ZNF621: variants seen among roughly 807,000 people sequenced by gnomAD.
ZNF621 encodes the protein zinc finger protein 621.
In ZNF621, 6 loss-of-function variants were observed where a neutral mutation model predicts 12.7. The ratio of observed to expected loss-of-function variants is 0.47; its 90% CI spans 0.26 to 0.93. The LOEUF is 0.93. Among genes scored for constraint, ZNF621 ranks in the 40% least tolerant of loss-of-function variants. ZNF621 has a pLI of 0.15. For missense variants in ZNF621, 474 were observed against 524.0 expected, an observed-to-expected ratio of 0.90 and a Z score of 0.93; for synonymous variants, 156 against 190.3, an observed-to-expected ratio of 0.82 and a Z score of 1.48.
rs1447695053 is a variant in ZNF621 at position 40,539,748 on chromosome 3, G to A, written c.*6658G>A. 1 of 152,118 alleles carries A rather than the reference G, an allele frequency of 6.6e-6. No homozygotes were observed. The highest frequency in any genetic ancestry group is 1.5e-5 in the Non-Finnish European group (1 of 68,020). 9.4% of individuals were successfully genotyped at this position (152,118 alleles called of 1,614,324 possible). On this transcript the variant is annotated 3_prime_UTR_variant, in exon 5 of 5. Coordinates refer to ENST00000339296, the MANE Select transcript of ZNF621 (RefSeq NM_198484.5). ...AATCATATCATTTAAAAAGCCTGAT[G>A]ATTTAATATTTTTCATAAAGAAAAC...
rs193091903 is a variant in ZNF621, at chr3:40,535,194, C to T, written c.*2104C>T. On this transcript the variant is annotated 3_prime_UTR_variant, in exon 5 of 5. Transcript: ENST00000339296. ...CTTGAGTTCGGAAGGGCTGTGGCCA[C>T]CTCGTTTCGCCCATCTACTTTTCAC... 25 of 152,366 alleles carry T rather than the reference C, an allele frequency of 1.6e-4. No individual in the cohort carries two copies. Among genetic ancestry groups the T allele is most frequent in the Admixed American group, 1.4e-3 (22 of 15,298 alleles). The allele number at this position is 152,366 out of a possible 1,614,324, so 9.4% of individuals were successfully genotyped here.
At chr3:40,523,540 C>CGA (rs1698504793), upstream of ZNF621, among the ~76,000 whole-genome samples, 1 of 151,922 alleles carries the variant, frequency 6.6e-6, no homozygotes, top group Non-Finnish European at 1.5e-5. Context: ...CCGAGGTGCA[C>CGA]GGATCACAAG....
rs747015346 is a variant in ZNF621 at position 40,533,016 on chromosome 3, C to A, written c.1246C>A (p.Arg416Ser). The change falls in exon 5 of 5, where the codon CGT (arginine) becomes AGT (serine). Residue 416 changes from arginine (R) to serine (S), a missense_variant. By Grantham distance (110) the Arg-to-Ser change is moderately radical. Transcript: ENST00000339296. ...ACCTTCTTCATCTGCCCAAATAGTG[C>A]GTGTCTTCCAGGGTCTTACTCCCAC... ...GIPSSSAQIV[R>S]VFQGLTPTVK... The A allele has an allele frequency of 6.4e-7, 1 of 1,551,762 alleles. No homozygotes were observed. The highest frequency in any genetic ancestry group is 2.0e-5 in the Admixed American group (1 of 51,004).
At position 40,533,001 on chromosome 3, in the gene ZNF621, T is replaced by G; in HGVS notation, c.1231T>G (p.Ser411Ala). 6.4e-7 allele frequency: 1 copy of G among 1,551,800 alleles called. No individual in the cohort carries two copies. The highest frequency in any genetic ancestry group is 8.7e-7 in the Non-Finnish European group (1 of 1,147,018). The stretch of plus-strand genomic sequence containing the variant: ...GCCTACATCTGGAATACCTTCTTCA[T>G]CTGCCCAAATAGTGCGTGTCTTCCA... ...LLPTSGIPSS[S>A]AQIVRVFQGL... is the part of the protein sequence containing the mutation. The change falls in exon 5 of 5, where the codon TCT becomes GCT. Residue 411 changes from serine to alanine, a missense_variant. Coordinates refer to ENST00000339296, the MANE Select transcript of ZNF621 (RefSeq NM_198484.5).
intron 3 of ZNF621, among the ~76,000 whole-genome samples, 155 bp from the exon 4 acceptor site, chr3:40,530,054 G>A (rs1051395490): frequency 3.9e-5 from 6 of 151,994 alleles, no homozygotes; most frequent in African/African-American, 1.5e-4. Flanking sequence ...GCTTTATCGT[G>A]GAGCACAGTT....
In ZNF621 at chr3:40,538,206, A is replaced by G; in HGVS notation, c.*5116A>G. The G allele has an allele frequency of 2.4e-6, 1 of 411,676 alleles. No individual in the cohort carries two copies. Among genetic ancestry groups the G allele is most frequent in the Non-Finnish European group, 4.8e-6 (1 of 208,838 alleles). 25.5% of individuals were successfully genotyped at this position (411,676 alleles called of 1,614,324 possible). A position where few individuals can be genotyped will look rare whatever the true frequency, so the allele number is the denominator to read the frequency against. ...TATTTTAAGCCCACTGTTGAGACCTACTAAATATTAGGAAAAAAGAATTCT... is the reference window on the plus strand; with the variant it reads ...TATTTTAAGCCCACTGTTGAGACCTGCTAAATATTAGGAAAAAAGAATTCT... On this transcript the variant is annotated 3_prime_UTR_variant, in exon 5 of 5. Coordinates refer to ENST00000339296, the MANE Select transcript of ZNF621 (RefSeq NM_198484.5).
In ZNF621 at chr3:40,532,055, AG is replaced by A. The variant is rs746600649; in HGVS notation, c.288del (p.Leu97Ter). The A allele has an allele frequency of 5.0e-6, 8 of 1,612,278 alleles. No individual in the cohort carries two copies. In the South Asian group the frequency reaches 7.7e-5, roughly 15 times the overall value. On this transcript the variant is annotated frameshift_variant, in exon 5 of 5. Coordinates refer to ENST00000339296, the MANE Select transcript of ZNF621 (RefSeq NM_198484.5). LOFTEE classifies it low-confidence loss of function (END_TRUNC). ...GTGGTGAGTCCTGGATCAAAAATGAAGGGCTAGTTATAAAGCAGGAAGCCTC... is the reference window on the plus strand; with the variant it reads ...GTGGTGAGTCCTGGATCAAAAATGAAGGCTAGTTATAAAGCAGGAAGCCTC... ...QGGESWIKNEGLVIKQEASEE... is the reference protein window; with the variant it reads ...QGGESWIKNEXLVIKQEASEE...
chr3:40,526,059 T>C (rs916779354), intron 2 of ZNF621, among the ~76,000 whole-genome samples, 195 bp downstream of exon 2: 1 of 152,172 alleles, frequency 6.6e-6, no homozygotes, highest in African/African-American at 2.4e-5. Flanking sequence ...TAGAGAGTGA[T>C]GAGTTTGGAT....
At chr3:40,525,572 A>T (rs1698558142) in intron 1 of ZNF621, 1 of 607,828 alleles carries the variant, frequency 1.6e-6, no homozygotes, top group South Asian at 2.0e-5. Flanking sequence ...AGCTCTTCGG[A>T]CTGAGCAGGC....
intron 2 of ZNF621, among the ~76,000 whole-genome samples, chr3:40,526,285 C>T (rs745511531): frequency 6.6e-6 from 1 of 152,178 alleles, no homozygotes; most frequent in Non-Finnish European, 1.5e-5. Flanking sequence ...ATTCCCATAC[C>T]TCAGCCTCCT....
intron 2 of ZNF621, among the ~76,000 whole-genome samples, chr3:40,528,518 A>T (rs1039099587): frequency 2.6e-5 from 4 of 152,202 alleles, no homozygotes; most frequent in Non-Finnish European, 5.9e-5. Flanking sequence ...AGCACCAAGG[A>T]GCATGACTGC....
At position 40,536,079 on chromosome 3, in the gene ZNF621, C is replaced by A. The variant is rs1271663238; in HGVS notation, c.*2989C>A. The A allele has an allele frequency of 2.6e-5, 4 of 151,834 alleles. No individual in the cohort carries two copies. The highest frequency in any genetic ancestry group is 9.7e-5 in the African/African-American group (4 of 41,282). 9.4% of individuals were successfully genotyped at this position (151,834 alleles called of 1,614,324 possible). A position where few individuals can be genotyped will look rare whatever the true frequency, so the allele number is the denominator to read the frequency against. On this transcript the variant is annotated 3_prime_UTR_variant, in exon 5 of 5. Transcript: ENST00000339296. The stretch of plus-strand genomic sequence containing the variant: ...AAACCCAAGTTGAAACAAAAAAAAC[C>A]CCCAGACTGTAATAGTATTATTATT...
intron 4 of ZNF621, 25 bp downstream of exon 4, chr3:40,530,341 A>C: frequency 6.3e-7 from 1 of 1,594,668 alleles, no homozygotes; most frequent in Non-Finnish European, 8.6e-7. Flanking sequence ...CCAGTGGTGA[A>C]GTTTCTTGTT....
chr3:40,530,270 G>A lies in ZNF621; in HGVS notation c.213G>A (p.Trp71Ter), dbSNP rs149905428. Residue 71 changes from tryptophan to a stop codon, truncating the protein, a stop_gained, in exon 4 of 5, where the codon TGG (tryptophan) becomes TGA (stop). Transcript: ENST00000339296. LOFTEE classifies it low-confidence loss of function (END_TRUNC). ...ISHLERGEAP[W>*]GPDPWDTEIL... The stretch of plus-strand genomic sequence containing the variant: ...ACCTGGAGAGAGGGGAAGCACCATG[G>A]GGCCCAGATCCCTGGGACACCGAGA... 1.6e-5 allele frequency: 26 copies of A among 1,613,132 alleles called. No homozygotes were observed. The highest frequency in any genetic ancestry group is 4.5e-5 in the East Asian group (2 of 44,840).
In ZNF621 at chr3:40,532,632, G is replaced by A; in HGVS notation, c.862G>A (p.Glu288Lys). 1 of 1,614,174 alleles carries A rather than the reference G, an allele frequency of 6.2e-7. No individual in the cohort carries two copies. The highest frequency in any genetic ancestry group is 8.5e-7 in the Non-Finnish European group (1 of 1,180,032). Residue 288 changes from glutamate (E) to lysine (K), a missense_variant, in exon 5 of 5, where the codon GAG (glutamate) becomes AAG (lysine). Glu to Lys is a moderately conservative substitution (Grantham distance 56, BLOSUM62 1). Coordinates refer to ENST00000339296, the MANE Select transcript of ZNF621 (RefSeq NM_198484.5). ...TGTCCATCAGAGAATTCATACTGGG[G>A]AGAAACCTTATCAATGTAAGGAGTG... ...FIVHQRIHTG[E>K]KPYQCKECGK...
chr3:40,531,661 T>G (rs111662893), intron 4 of ZNF621, among the ~76,000 whole-genome samples: 11,381 of 152,162 alleles, frequency 0.075, 1,265 homozygotes, highest in African/African-American at 0.24. Context: ...CTCCCGGGCT[T>G]AAGTGATCCT....
Position 40,532,845 on chromosome 3 carries a change from C to T in ZNF621, c.1075C>T (p.Gln359Ter), listed in dbSNP as rs1698767525. 1.2e-6 allele frequency: 2 copies of T among 1,613,816 alleles called. No individual in the cohort carries two copies. The highest frequency in any genetic ancestry group is 8.5e-7 in the Non-Finnish European group (1 of 1,179,876). Residue 359 changes from glutamine (Q) to a stop codon, truncating the protein, a stop_gained, in exon 5 of 5, where the codon CAG becomes TAG. Transcript: ENST00000339296. LOFTEE classifies it low-confidence loss of function (END_TRUNC). ...CCTTGGGCCATCCCTGGTCAGTCCC[C>T]AGTGCTCCTCTCCAGCCATACCTCC... ...KVLGPSLVSP[Q>*]CSSPAIPPVL...
rs1466406123 is a variant in ZNF621 at position 40,536,605 on chromosome 3, A to G, written c.*3515A>G. 4.6e-5 allele frequency: 7 copies of G among 152,202 alleles called. No individual in the cohort carries two copies. The highest frequency in any genetic ancestry group is 6.5e-5 in the Admixed American group (1 of 15,276). 9.4% of individuals were successfully genotyped at this position (152,202 alleles called of 1,614,324 possible). Reference sequence around the variant, plus strand: ...ATCCAGTCCCAAGTGCTGCCTGCCAATCGTCCAGCACCCTCCACCTTTGCC... The same window carrying G: ...ATCCAGTCCCAAGTGCTGCCTGCCAGTCGTCCAGCACCCTCCACCTTTGCC... On this transcript the variant is annotated 3_prime_UTR_variant, in exon 5 of 5. Coordinates refer to ENST00000339296, the MANE Select transcript of ZNF621 (RefSeq NM_198484.5).
Position 40,533,223 on chromosome 3 carries a change from C to T in ZNF621, c.*133C>T. ...TGGTGTGATCTTGGCTCACTGCAAC[C>T]TCCCCCTCCTGGGTTCAAGCGATTC... On this transcript the variant is annotated 3_prime_UTR_variant, in exon 5 of 5. Coordinates refer to ENST00000339296, the MANE Select transcript of ZNF621 (RefSeq NM_198484.5). 1.4e-6 allele frequency: 2 copies of T among 1,390,250 alleles called. No homozygotes were observed. The highest frequency in any genetic ancestry group is 3.1e-5 in the South Asian group (2 of 64,366). 86.1% of individuals were successfully genotyped at this position (1,390,250 alleles called of 1,614,324 possible).
Sources: gnomAD v4.1 joint callset for allele counts (sites outside exome capture counted in the v4.1 genomes callset) on GRCh38, gnomAD v4.1.1 for gene constraint, MANE v1.5 for transcripts, NCBI Gene and HGNC (gene_info 2026-07-23, HGNC 2026-07-21) for gene names.